CYSLTR2: variants seen among roughly 807,000 people sequenced by gnomAD.
The protein encoded by CYSLTR2 is cysteinyl leukotriene receptor 2.
For synonymous variants in CYSLTR2, 179 were observed against 160.8 expected (o/e 1.11, Z -0.86); for missense variants, 398 against 411.9 (o/e 0.97, Z 0.29).
At chr13:48,677,731 C>T (rs1031345997) in intron 1 of CYSLTR2, among the ~76,000 whole-genome samples, 2 of 152,156 alleles carry the variant, frequency 1.3e-5, no homozygotes, top group Non-Finnish European at 2.9e-5. Context: ...AGCTGCAGAA[C>T]TCAAAAGCAT....
At chr13:48,672,233 G>T (rs1051731795) in intron 1 of CYSLTR2, among the ~76,000 whole-genome samples, 2 of 151,962 alleles carry the variant, frequency 1.3e-5, no homozygotes, top group African/African-American at 4.8e-5. Context: ...CAAAAACGCA[G>T]CTTTTGAATT....
Position 48,695,412 on chromosome 13 carries a change from T to C in CYSLTR2, c.-102-1114T>C, listed in dbSNP as rs565816785. Among the ~76,000 whole-genome samples the C allele has an allele frequency of 4.0e-5, 6 of 151,278 alleles. No homozygotes were observed. In the South Asian group the frequency reaches 1.3e-3, roughly 32 times the overall value. ...TTCTTTCTCTCTCTCTCTCTTTCTC[T>C]CTCTCTCTCTCATAGAGATAGGGTC... On this transcript the variant is annotated intron_variant, in intron 3 of 4. Coordinates refer to ENST00000682523, the MANE Select transcript of CYSLTR2 (RefSeq NM_001308476.3).
At chr13:48,671,530 A>G (rs1953430433) in intron 1 of CYSLTR2, among the ~76,000 whole-genome samples, 1 of 152,172 alleles carries the variant, frequency 6.6e-6, no homozygotes, top group African/African-American at 2.4e-5. Context: ...ATCTATTGAG[A>G]TATTCATGTG....
chr13:48,681,427 C>A (rs759647652), intron 1 of CYSLTR2, among the ~76,000 whole-genome samples: 1 of 152,172 alleles, frequency 6.6e-6, no homozygotes, highest in East Asian at 1.9e-4. Context: ...ACTAGTCATA[C>A]CTCCTCCTAA....
intron 1 of CYSLTR2, among the ~76,000 whole-genome samples, chr13:48,660,330 A>C (rs4942769): frequency 0.56 from 85,538 of 151,932 alleles, 25,425 homozygotes; most frequent in African/African-American, 0.77. Context: ...GATCTGCCAG[A>C]AAACTCTTCA....
chr13:48,694,582 A>G (rs1462663464), intron 3 of CYSLTR2: 1 of 152,218 alleles, frequency 6.6e-6, no homozygotes, highest in African/African-American at 2.4e-5. Context: ...TCCCACATGT[A>G]TGCATCATTA....
chr13:48,694,564 G>C (rs1182236368), intron 3 of CYSLTR2: 5 of 152,200 alleles, frequency 3.3e-5, no homozygotes, highest in African/African-American at 1.2e-4. Flanking sequence ...GCCTAGCCAT[G>C]AACAGGGTCC....
chr13:48,661,487 C>T (rs1002059913), intron 1 of CYSLTR2, among the ~76,000 whole-genome samples: 2 of 151,464 alleles, frequency 1.3e-5, no homozygotes, highest in Non-Finnish European at 3.0e-5. Flanking sequence ...AATTTTGCCT[C>T]CTTAATGCTT....
chr13:48,678,433 A>G (rs1953659861), intron 1 of CYSLTR2, among the ~76,000 whole-genome samples: 1 of 152,012 alleles, frequency 6.6e-6, no homozygotes. Context: ...TTTCTCAATC[A>G]TCATTCCAGC....
At chr13:48,673,433 CTTTTTTTTTTTT>C (rs61699943) in intron 1 of CYSLTR2, among the ~76,000 whole-genome samples, 8 of 48,276 alleles carry the variant, frequency 1.7e-4, no homozygotes, top group Admixed American at 1.1e-3. Flanking sequence ...GTAACCCCGG[CTTTTTTTTTTTT>C]TTTTTTTTTT....
At chr13:48,697,598 G>A (rs1954226304) in intron 4 of CYSLTR2, among the ~76,000 whole-genome samples, 2 of 152,210 alleles carry the variant, frequency 1.3e-5, no homozygotes, top group Non-Finnish European at 1.5e-5. Context: ...AAAAATCAGA[G>A]CGCCTCTTCT....
At chr13:48,676,436 T>G (rs1051719339) in intron 1 of CYSLTR2, among the ~76,000 whole-genome samples, 4 of 152,216 alleles carry the variant, frequency 2.6e-5, no homozygotes, top group African/African-American at 9.7e-5. Flanking sequence ...TGGTTAAATC[T>G]CTAAAAACAG....
intron 1 of CYSLTR2, among the ~76,000 whole-genome samples, chr13:48,677,481 GC>G (rs1953628801): frequency 6.6e-6 from 1 of 152,150 alleles, no homozygotes; most frequent in Non-Finnish European, 1.5e-5. Context: ...AGGTTACACA[GC>G]TACAGAGTGG....
rs935096822 is a variant in CYSLTR2 at position 48,654,024 on chromosome 13, A to G, written c.-266+7A>G. 1.4e-4 allele frequency: 21 copies of G among 152,252 alleles called. No homozygotes were observed. Among genetic ancestry groups the G allele is most frequent in the African/African-American group, 4.8e-4 (20 of 41,466 alleles). 9.4% of individuals were successfully genotyped at this position (152,252 alleles called of 1,614,324 possible). On this transcript the variant is annotated splice_region_variant and intron_variant, in intron 1 of 4. Coordinates refer to ENST00000682523, the MANE Select transcript of CYSLTR2 (RefSeq NM_001308476.3). ...GAAAGACAGAGACCTTCAGGTGGGC[A>G]TTTTAATCTTTGTTTTGTTAATTCA...
chr13:48,705,549 T>C (rs940310925), intron 4 of CYSLTR2, among the ~76,000 whole-genome samples: 1 of 150,350 alleles, frequency 6.7e-6, no homozygotes, highest in Non-Finnish European at 1.5e-5. Flanking sequence ...TGTTTTTGAG[T>C]GTATCCCTTT....
In CYSLTR2 at chr13:48,707,969, A is replaced by G; in HGVS notation, c.*111A>G. The stretch of plus-strand genomic sequence containing the variant: ...CTCCCAACAAATGTTGATTCTTAAT[A>G]TTTAGTTGACCATTACTTTTGTTAA... On this transcript the variant is annotated 3_prime_UTR_variant, in exon 5 of 5. Coordinates refer to ENST00000682523, the MANE Select transcript of CYSLTR2 (RefSeq NM_001308476.3). 1 of 926,140 alleles carries G rather than the reference A, an allele frequency of 1.1e-6. No individual in the cohort carries two copies. The highest frequency in any genetic ancestry group is 2.7e-5 in the East Asian group (1 of 36,408). 57.4% of individuals were successfully genotyped at this position (926,140 alleles called of 1,614,324 possible).
intron 1 of CYSLTR2, among the ~76,000 whole-genome samples, chr13:48,677,402 G>C (rs757450403): frequency 6.6e-6 from 1 of 152,040 alleles, no homozygotes; most frequent in East Asian, 1.9e-4. Context: ...AAGAAGAAAT[G>C]GTACAGAATT....
intron 4 of CYSLTR2, among the ~76,000 whole-genome samples, chr13:48,699,782 A>G (rs1954292164): frequency 1.3e-5 from 2 of 152,174 alleles, no homozygotes; most frequent in African/African-American, 4.8e-5. Flanking sequence ...CAAGACTAAT[A>G]AAGAAGAAAA....
intron 1 of CYSLTR2, among the ~76,000 whole-genome samples, chr13:48,677,885 T>C (rs1953642520): frequency 6.6e-6 from 1 of 150,722 alleles, no homozygotes; most frequent in African/African-American, 2.5e-5. Flanking sequence ...TTTTTTTTTT[T>C]TGGGACAGAG....
Sources: gnomAD v4.1 joint callset for allele counts (sites outside exome capture counted in the v4.1 genomes callset) on GRCh38, gnomAD v4.1.1 for gene constraint, MANE v1.5 for transcripts, NCBI Gene and HGNC (gene_info 2026-07-23, HGNC 2026-07-21) for gene names.